SKAP1: variants seen among roughly 807,000 people sequenced by gnomAD.
SKAP1 encodes the protein src kinase associated phosphoprotein 1.
SKAP1 carries 44 observed loss-of-function variants against 58.5 expected under a neutral mutation model. The ratio of observed to expected loss-of-function variants is 0.75; its 90% CI spans 0.59 to 0.97. SKAP1 has a LOEUF of 0.97. Among genes scored for constraint, SKAP1 ranks in the 50% least tolerant of loss-of-function variants. SKAP1 has a pLI of 0.00. For missense variants in SKAP1, 390 were observed against 435.2 expected, an observed-to-expected ratio of 0.90 and a Z score of 0.92; for synonymous variants, 127 against 149.7, an observed-to-expected ratio of 0.85 and a Z score of 1.11.
chr17:48,255,820 T>C (rs891100652), intron 4 of SKAP1, among the ~76,000 whole-genome samples: 5 of 152,124 alleles, frequency 3.3e-5, no homozygotes, highest in African/African-American at 1.2e-4. Context: ...TGCAGTCTGT[T>C]CACCCTAGGA....
At chr17:48,277,052 G>A (rs2065709693) in intron 4 of SKAP1, among the ~76,000 whole-genome samples, 1 of 152,074 alleles carries the variant, frequency 6.6e-6, no homozygotes, top group Non-Finnish European at 1.5e-5. Context: ...ACAATAATAT[G>A]GTCAATAAGC....
At chr17:48,307,812 G>A (rs1331088349) in intron 4 of SKAP1, 2 of 152,020 alleles carry the variant, frequency 1.3e-5, no homozygotes, top group Non-Finnish European at 2.9e-5. Flanking sequence ...TATTAAAGAG[G>A]ATAATGTATA....
At chr17:48,225,640 C>T (rs2065059612) in intron 4 of SKAP1, among the ~76,000 whole-genome samples, 1 of 152,146 alleles carries the variant, frequency 6.6e-6, no homozygotes, top group African/African-American at 2.4e-5. Flanking sequence ...GCTTTTTCTC[C>T]TTGTTTTTCT....
intron 1 of SKAP1, among the ~76,000 whole-genome samples, chr17:48,420,658 C>T (rs1441000522): frequency 6.6e-6 from 1 of 151,608 alleles, no homozygotes; most frequent in East Asian, 1.9e-4. Flanking sequence ...AACCCTTCCT[C>T]CCCATCCTGG....
intron 3 of SKAP1, among the ~76,000 whole-genome samples, chr17:48,352,049 T>TA (rs1342147121): frequency 7.6e-6 from 1 of 130,820 alleles, no homozygotes; most frequent in Non-Finnish European, 1.6e-5. Context: ...TCCTAGTTCT[T>TA]AAAAAAAGAA....
chr17:48,188,810 C>T (rs892843117), intron 5 of SKAP1, among the ~76,000 whole-genome samples: 14 of 152,116 alleles, frequency 9.2e-5, no homozygotes, highest in African/African-American at 3.4e-4. Context: ...ACCAGCCTGG[C>T]CAACATGATG....
At chr17:48,330,256 T>C (rs1191919212) in intron 4 of SKAP1, among the ~76,000 whole-genome samples, 1 of 152,176 alleles carries the variant, frequency 6.6e-6, no homozygotes, top group Non-Finnish European at 1.5e-5. Context: ...GTTTTAAAAA[T>C]TTTATATGAG....
At chr17:48,399,985 A>C (rs887686794) in intron 1 of SKAP1, among the ~76,000 whole-genome samples, 3 of 152,162 alleles carry the variant, frequency 2.0e-5, no homozygotes, top group African/African-American at 7.2e-5. Context: ...GACATCCTGT[A>C]TATGGAACAC....
At chr17:48,338,896 T>A (rs983687117) in intron 4 of SKAP1, among the ~76,000 whole-genome samples, 5 of 152,226 alleles carry the variant, frequency 3.3e-5, no homozygotes, top group Admixed American at 6.5e-5. Context: ...CATGATTTCT[T>A]AGATCTAATA....
At chr17:48,258,340 C>A (rs1321242095) in intron 4 of SKAP1, among the ~76,000 whole-genome samples, 7 of 152,230 alleles carry the variant, frequency 4.6e-5, no homozygotes, top group East Asian at 1.9e-4. Context: ...AAGAACTCAC[C>A]TGGTTTCTAT....
intron 9 of SKAP1, among the ~76,000 whole-genome samples, 188 bp from the exon 10 acceptor site, chr17:48,170,847 A>G (rs1222465191): frequency 1.3e-5 from 2 of 151,894 alleles, no homozygotes; most frequent in Non-Finnish European, 2.9e-5. Flanking sequence ...AGGAGCTAGG[A>G]GTACAGGTGC....
At chr17:48,229,964 A>G (rs1028462744) in intron 4 of SKAP1, among the ~76,000 whole-genome samples, 1 of 152,220 alleles carries the variant, frequency 6.6e-6, no homozygotes, top group African/African-American at 2.4e-5. Context: ...GAAAGTGCAC[A>G]CATCACAAAA....
At chr17:48,233,534 T>TAGTCCCAGCTACTC (rs1567831319) in intron 4 of SKAP1, among the ~76,000 whole-genome samples, 5 of 151,988 alleles carry the variant, frequency 3.3e-5, no homozygotes, top group African/African-American at 1.2e-4. Flanking sequence ...AAAATTTTAC[T>TAGTCCCAGCTACTC]GTACTAATTG....
chr17:48,385,037 G>A (rs2067259074), intron 2 of SKAP1, among the ~76,000 whole-genome samples: 2 of 152,148 alleles, frequency 1.3e-5, no homozygotes, highest in Non-Finnish European at 2.9e-5. Context: ...CAAGGAAGAA[G>A]AAAACCAGGA....
intron 4 of SKAP1, among the ~76,000 whole-genome samples, chr17:48,226,453 A>G (rs761951380): frequency 2.0e-5 from 3 of 152,040 alleles, no homozygotes; most frequent in African/African-American, 7.3e-5. Flanking sequence ...CTATATCTCT[A>G]TTATGGATCA....
intron 4 of SKAP1, among the ~76,000 whole-genome samples, chr17:48,305,498 T>C (rs187227415): frequency 6.9e-4 from 105 of 152,304 alleles, no homozygotes; most frequent in Middle Eastern, 3.4e-3. Context: ...TGGCCCTTTA[T>C]AGAAAATGTT....
intron 1 of SKAP1, among the ~76,000 whole-genome samples, chr17:48,418,815 A>G (rs35460744): frequency 0.029 from 4,458 of 152,304 alleles, 237 homozygotes; most frequent in African/African-American, 0.1. Flanking sequence ...TCAAAAATAC[A>G]GTGTGGACAA....
chr17:48,331,668 C>A (rs1016760331), intron 4 of SKAP1, among the ~76,000 whole-genome samples: 1 of 151,372 alleles, frequency 6.6e-6, no homozygotes, highest in Non-Finnish European at 1.5e-5. Flanking sequence ...CATTGTACTC[C>A]AGCCTGGTAA....
intron 4 of SKAP1, among the ~76,000 whole-genome samples, chr17:48,292,369 C>T (rs1555612216): frequency 3.3e-5 from 5 of 151,946 alleles, no homozygotes; most frequent in Non-Finnish European, 7.4e-5. Context: ...AAACACATCG[C>T]TTTTTTTCTG....
Sources: gnomAD v4.1 joint callset for allele counts (sites outside exome capture counted in the v4.1 genomes callset) on GRCh38, gnomAD v4.1.1 for gene constraint, MANE v1.5 for transcripts, NCBI Gene and HGNC (gene_info 2026-07-23, HGNC 2026-07-21) for gene names.